SDHAF4: variants seen among roughly 807,000 people sequenced by gnomAD.
The protein encoded by SDHAF4 is succinate dehydrogenase assembly factor 4, mitochondrial.
A neutral mutation model predicts 14.3 loss-of-function variants in SDHAF4; 14 were observed. That is an observed-to-expected ratio of 0.98 (90% CI 0.65 to 1.53). The LOEUF is 1.53. SDHAF4 is among the 40% of genes most tolerant of loss of function. The pLI, the probability that SDHAF4 is intolerant of heterozygous loss-of-function variation, is 0.00. For synonymous variants in SDHAF4, 63 were observed against 47.3 expected, an observed-to-expected ratio of 1.33 and a Z score of -1.36; for missense variants, 141 against 129.3, an observed-to-expected ratio of 1.09 and a Z score of -0.44.
chr6:70,570,415 C>T (rs765020451), intron 1 of SDHAF4, among the ~76,000 whole-genome samples: 5 of 152,042 alleles, frequency 3.3e-5, no homozygotes, highest in Non-Finnish European at 5.9e-5. Flanking sequence ...CTCCACCTCC[C>T]GAAATCAAGT....
chr6:70,577,106 C>T (rs976356127), intron 1 of SDHAF4, among the ~76,000 whole-genome samples: 4 of 152,146 alleles, frequency 2.6e-5, no homozygotes, highest in Admixed American at 1.3e-4. Flanking sequence ...CCAGCAACAT[C>T]GGGTCTGGTC....
intron 1 of SDHAF4, among the ~76,000 whole-genome samples, chr6:70,577,981 C>T (rs902120049): frequency 1.3e-5 from 2 of 152,124 alleles, no homozygotes; most frequent in Non-Finnish European, 2.9e-5. Context: ...TTGATGAGCA[C>T]CTAGGTTGAT....
the SDHAF4 span, among the ~76,000 whole-genome samples, chr6:70,598,046 A>G: frequency 6.6e-6 from 1 of 152,342 alleles, no homozygotes; most frequent in Admixed American, 6.5e-5. Context: ...ATATTAATTC[A>G]TTGTCCTGTG....
At chr6:70,568,435 C>G (rs1802132654) in intron 1 of SDHAF4, among the ~76,000 whole-genome samples, 1 of 152,192 alleles carries the variant, frequency 6.6e-6, no homozygotes, top group East Asian at 1.9e-4. Context: ...CTTCCTGATA[C>G]AACTGTGCAA....
intron 1 of SDHAF4, among the ~76,000 whole-genome samples, chr6:70,572,058 C>CTTTT: frequency 1.9e-5 from 1 of 53,506 alleles, no homozygotes; most frequent in Non-Finnish European, 3.2e-5. Flanking sequence ...CTTTTTTTGT[C>CTTTT]TTTTTTTTTT....
chr6:70,569,113 G>C (rs112686276), intron 1 of SDHAF4, among the ~76,000 whole-genome samples: 18,984 of 146,400 alleles, frequency 0.13, 1,459 homozygotes, highest in Middle Eastern at 0.2. Context: ...CTACAGGCGC[G>C]CGCCACCACG....
rs760926804 is a variant in SDHAF4, at chr6:70,579,404, A to C, written c.65-10A>C. On this transcript the variant is annotated splice_polypyrimidine_tract_variant and intron_variant, in intron 1 of 2. Coordinates refer to ENST00000370474, the MANE Select transcript of SDHAF4 (RefSeq NM_145267.3). ...CAGCTCCTATTTTTCTATTATCTCCACTCTTCTAGGATCACCCCTTCTGTG... is the reference window on the plus strand; with the variant it reads ...CAGCTCCTATTTTTCTATTATCTCCCCTCTTCTAGGATCACCCCTTCTGTG... The C allele has an allele frequency of 1.3e-5, 20 of 1,483,692 alleles. No homozygotes were observed. The Middle Eastern group carries it at 5.4e-4, about 40-fold the overall frequency. 91.9% of individuals were successfully genotyped at this position (1,483,692 alleles called of 1,614,324 possible).
At chr6:70,581,056 C>T (rs2691494) in intron 2 of SDHAF4, among the ~76,000 whole-genome samples, 48,827 of 151,878 alleles carry the variant, frequency 0.32, 12,343 homozygotes, top group African/African-American at 0.7. Flanking sequence ...CTCAGCCTCC[C>T]GAGTAGCTGG....
At position 70,588,870 on chromosome 6, in the gene SDHAF4, G is replaced by GC. The variant is rs1554183415; in HGVS notation, c.*146_*147insC. 3 of 247,106 alleles carry GC rather than the reference G, an allele frequency of 1.2e-5. No homozygotes were observed. The highest frequency in any genetic ancestry group is 2.2e-5 in the Non-Finnish European group (3 of 135,596). The allele number at this position is 247,106 out of a possible 1,614,324, so 15.3% of individuals were successfully genotyped here. On this transcript the variant is annotated 3_prime_UTR_variant, in exon 3 of 3. Transcript: ENST00000370474. ...ATATATATATATGATGGCTTTGGAA[G>GC]AAAATATGCTGCTGTAAATTAGGAA... is the stretch of plus-strand genomic sequence containing the variant.
chr6:70,580,064 T>C (rs1330819763), intron 2 of SDHAF4, among the ~76,000 whole-genome samples: 1 of 150,928 alleles, frequency 6.6e-6, no homozygotes, highest in Non-Finnish European at 1.5e-5. Context: ...GTATGATAAA[T>C]AAATAACAAA....
chr6:70,575,042 C>T (rs893032436), intron 1 of SDHAF4, among the ~76,000 whole-genome samples: 2 of 152,138 alleles, frequency 1.3e-5, no homozygotes, highest in African/African-American at 2.4e-5. Flanking sequence ...CTGTCATCTC[C>T]CTGCTGTCCT....
chr6:70,592,296 G>C (rs1295969713), downstream of SDHAF4, among the ~76,000 whole-genome samples: 1 of 152,246 alleles, frequency 6.6e-6, no homozygotes, highest in East Asian at 1.9e-4. Flanking sequence ...AAGATTGGAA[G>C]AGTTTGGAGG....
At chr6:70,567,032 C>T (rs1303300544) in intron 1 of SDHAF4, 28 bp downstream of exon 1, 2 of 1,561,708 alleles carry the variant, frequency 1.3e-6, no homozygotes, top group East Asian at 4.7e-5. Context: ...GGGCCACGGT[C>T]GCGGGAGGGG....
intron 1 of SDHAF4, among the ~76,000 whole-genome samples, chr6:70,574,605 AT>A: frequency 6.6e-6 from 1 of 152,284 alleles, no homozygotes; most frequent in South Asian, 2.1e-4. Flanking sequence ...CAGAATCTGC[AT>A]TTTAACAAAA....
intron 2 of SDHAF4, among the ~76,000 whole-genome samples, chr6:70,588,020 C>T (rs1581932958): frequency 6.6e-6 from 1 of 152,222 alleles, no homozygotes; most frequent in Admixed American, 6.5e-5. Flanking sequence ...TATGATTGTT[C>T]TCTCCATTTT....
At chr6:70,578,271 C>A (rs1802280358) in intron 1 of SDHAF4, among the ~76,000 whole-genome samples, 1 of 152,216 alleles carries the variant, frequency 6.6e-6, no homozygotes, top group South Asian at 2.1e-4. Flanking sequence ...GCCATTCTGA[C>A]TGATGTGACA....
Position 70,588,827 on chromosome 6 carries a change from T to C in SDHAF4, c.*103T>C. The C allele has an allele frequency of 2.4e-6, 1 of 425,272 alleles. No individual in the cohort carries two copies. The highest frequency in any genetic ancestry group is 3.9e-5 in the Admixed American group (1 of 25,580). The allele number at this position is 425,272 out of a possible 1,614,324, so 26.3% of individuals were successfully genotyped here. ...TTTATATCCTTTATGTCGTGTAGTTTGTATAATGTGTTTAAATATATATAT... is the reference window on the plus strand; with the variant it reads ...TTTATATCCTTTATGTCGTGTAGTTCGTATAATGTGTTTAAATATATATAT... On this transcript the variant is annotated 3_prime_UTR_variant, in exon 3 of 3. Transcript: ENST00000370474.
intron 1 of SDHAF4, among the ~76,000 whole-genome samples, chr6:70,573,831 C>T (rs893622379): frequency 6.6e-6 from 1 of 151,570 alleles, no homozygotes; most frequent in Non-Finnish European, 1.5e-5. Context: ...CCCACCACCA[C>T]GCCCAGCTAA....
At chr6:70,590,828 A>G (rs146591626), downstream of SDHAF4, among the ~76,000 whole-genome samples, 548 of 152,280 alleles carry the variant, frequency 3.6e-3, 7 homozygotes, top group African/African-American at 0.012. Flanking sequence ...GCAGTTCTAG[A>G]GGCTGAGAAG....
Sources: allele counts gnomAD v4.1 joint callset (sites outside exome capture counted in the v4.1 genomes callset), GRCh38; gene constraint gnomAD v4.1.1; transcripts MANE v1.5; gene names NCBI Gene and HGNC (gene_info 2026-07-23, HGNC 2026-07-21).